SDC2: variants seen among roughly 807,000 people sequenced by gnomAD.
SDC2 encodes the protein syndecan 2, also known as syndecan-2.
In SDC2, 13 loss-of-function variants were observed where a neutral mutation model predicts 22.2. The ratio of observed to expected loss-of-function variants is 0.59; its 90% CI spans 0.38 to 0.93. The LOEUF is 0.93. SDC2 is among the 40% of genes least tolerant of loss of function. SDC2 has a pLI of 0.00. For synonymous variants in SDC2, 94 were observed against 92.8 expected, an observed-to-expected ratio of 1.01 and a Z score of -0.07; for missense variants, 235 against 246.8, an observed-to-expected ratio of 0.95 and a Z score of 0.32.
At chr8:96,541,109 T>TA (rs1338780677) in intron 1 of SDC2, among the ~76,000 whole-genome samples, 1 of 152,126 alleles carries the variant, frequency 6.6e-6, no homozygotes, top group Non-Finnish European at 1.5e-5. Context: ...TGTGTATACA[T>TA]ACAGTGGAAT....
intron 1 of SDC2, among the ~76,000 whole-genome samples, chr8:96,504,303 A>G (rs545129900): frequency 2.6e-5 from 4 of 152,330 alleles, no homozygotes; most frequent in Admixed American, 2.0e-4. Context: ...GTGTGTGACA[A>G]CCCAATAAAG....
intron 1 of SDC2, among the ~76,000 whole-genome samples, chr8:96,584,438 A>G (rs756177861): frequency 2.6e-5 from 4 of 152,246 alleles, no homozygotes; most frequent in Non-Finnish European, 5.9e-5. Flanking sequence ...AATCTAAACC[A>G]GAGCCTGTTG....
intron 1 of SDC2, among the ~76,000 whole-genome samples, chr8:96,543,956 A>G (rs1429178693): frequency 6.6e-6 from 1 of 152,168 alleles, no homozygotes; most frequent in Admixed American, 6.5e-5. Context: ...GGATGCAGAA[A>G]TTATCGATTG....
At chr8:96,524,223 G>C (rs753921538) in intron 1 of SDC2, among the ~76,000 whole-genome samples, 2 of 152,182 alleles carry the variant, frequency 1.3e-5, no homozygotes, top group Non-Finnish European at 2.9e-5. Flanking sequence ...GCAGCCAGAT[G>C]AACCTAAAAT....
intron 1 of SDC2, among the ~76,000 whole-genome samples, chr8:96,542,461 T>C (rs1233635483): frequency 2.0e-5 from 3 of 152,218 alleles, no homozygotes; most frequent in Non-Finnish European, 4.4e-5. Context: ...GCCTATTTAA[T>C]TGAAGGTTAT....
At chr8:96,570,123 C>G (rs1223643674) in intron 1 of SDC2, among the ~76,000 whole-genome samples, 1 of 152,194 alleles carries the variant, frequency 6.6e-6, no homozygotes, top group Non-Finnish European at 1.5e-5. Flanking sequence ...GGCACTATCA[C>G]TATCCTCTCC....
rs1813009816 is a variant in SDC2, at chr8:96,494,209, G to A, written c.-63G>A. 8 of 1,490,444 alleles carry A rather than the reference G, an allele frequency of 5.4e-6. No homozygotes were observed. The highest frequency in any genetic ancestry group is 2.8e-5 in the African/African-American group (2 of 72,030). 92.3% of individuals were successfully genotyped at this position (1,490,444 alleles called of 1,614,324 possible). On this transcript the variant is annotated 5_prime_UTR_variant, in exon 1 of 5. Transcript: ENST00000302190. The stretch of plus-strand genomic sequence containing the variant: ...GTGCGCGGGCTGCGCCGAGCGCTGG[G>A]CAGGAGGCTTCGTTTTGCCCTGGTT...
intron 3 of SDC2, among the ~76,000 whole-genome samples, chr8:96,606,922 G>A (rs572977337): frequency 6.6e-6 from 1 of 152,184 alleles, no homozygotes; most frequent in Non-Finnish European, 1.5e-5. Context: ...TGGGGCCACG[G>A]ACCAGTAGCG....
intron 1 of SDC2, among the ~76,000 whole-genome samples, chr8:96,545,451 G>A (rs948889156): frequency 2.4e-4 from 36 of 152,260 alleles, no homozygotes; most frequent in African/African-American, 8.2e-4. Context: ...GTCAGTATTG[G>A]GGAATGAGGA....
intron 1 of SDC2, among the ~76,000 whole-genome samples, chr8:96,590,158 C>G (rs919242808): frequency 1.3e-5 from 2 of 152,240 alleles, no homozygotes; most frequent in African/African-American, 4.8e-5. Context: ...GTATTCACAT[C>G]TTGCATCAGC....
At chr8:96,517,750 TAC>T (rs1187071511) in intron 1 of SDC2, among the ~76,000 whole-genome samples, 3 of 69,726 alleles carry the variant, frequency 4.3e-5, no homozygotes, top group South Asian at 2.9e-4. Context: ...TGTGCATAAA[TAC>T]ACACGTTTGT....
At chr8:96,519,642 G>C (rs756828325) in intron 1 of SDC2, among the ~76,000 whole-genome samples, 5 of 151,944 alleles carry the variant, frequency 3.3e-5, no homozygotes, top group African/African-American at 7.3e-5. Flanking sequence ...TTATTTTTTA[G>C]AAGTAGTATA....
At chr8:96,598,591 C>G (rs1460970502) in intron 2 of SDC2, among the ~76,000 whole-genome samples, 1 of 151,986 alleles carries the variant, frequency 6.6e-6, no homozygotes, top group Non-Finnish European at 1.5e-5. Flanking sequence ...GCACTCCAGT[C>G]TGGGTGACGA....
At chr8:96,569,470 TATCTC>T (rs1428631740) in intron 1 of SDC2, among the ~76,000 whole-genome samples, 1 of 152,198 alleles carries the variant, frequency 6.6e-6, no homozygotes, top group Non-Finnish European at 1.5e-5. Flanking sequence ...CCACAGCTCT[TATCTC>T]TCTCCTACCT....
rs760089929 is a variant in SDC2, at chr8:96,602,436, C to T, written c.214C>T (p.Arg72Ter). The T allele has an allele frequency of 3.7e-6, 6 of 1,613,904 alleles. No homozygotes were observed. The highest frequency in any genetic ancestry group is 1.7e-5 in the Admixed American group (1 of 60,004). Residue 72 changes from arginine (R) to a stop codon, truncating the protein, a stop_gained, in exon 3 of 5, where the codon CGA becomes TGA. Coordinates refer to ENST00000302190, the MANE Select transcript of SDC2 (RefSeq NM_002998.4). LOFTEE classifies it high-confidence loss of function. ...AGAGAGTCCAGAGCTGACAACATCT[C>T]GACCACTTCCAAAGATACTGTTGAC... ...DVESPELTTS[R>*]PLPKILLTSA... is the part of the protein sequence containing the mutation.
intron 1 of SDC2, among the ~76,000 whole-genome samples, chr8:96,514,215 C>G (rs186658746): frequency 5.3e-5 from 8 of 152,228 alleles, no homozygotes; most frequent in Admixed American, 2.6e-4. Flanking sequence ...GGTACTTTAA[C>G]CAGTTAGAAT....
chr8:96,581,433 C>T (rs1297839832), intron 1 of SDC2, among the ~76,000 whole-genome samples: 1 of 152,062 alleles, frequency 6.6e-6, no homozygotes, highest in Non-Finnish European at 1.5e-5. Flanking sequence ...AGTTCGAGAC[C>T]AACCTGGCCA....
intron 2 of SDC2, among the ~76,000 whole-genome samples, chr8:96,594,124 A>T (rs1404562062): frequency 1.3e-5 from 2 of 152,214 alleles, no homozygotes; most frequent in Non-Finnish European, 2.9e-5. Flanking sequence ...TGACATGATC[A>T]GATTCCTTAG....
At chr8:96,495,184 CAG>C (rs1813050837) in intron 1 of SDC2, among the ~76,000 whole-genome samples, 1 of 152,202 alleles carries the variant, frequency 6.6e-6, no homozygotes, top group Admixed American at 6.5e-5. Flanking sequence ...CGCTGGGGGA[CAG>C]AGGCTTCCCT....
Sources: allele counts gnomAD v4.1 joint callset (sites outside exome capture counted in the v4.1 genomes callset), GRCh38; gene constraint gnomAD v4.1.1; transcripts MANE v1.5; gene names NCBI Gene and HGNC (gene_info 2026-07-23, HGNC 2026-07-21).